ZNF415: variants seen among roughly 807,000 people sequenced by gnomAD.
ZNF415 encodes zinc finger protein 415.
A neutral mutation model predicts 7.3 loss-of-function variants in ZNF415; 5 were observed. That is an observed-to-expected ratio of 0.69 (90% confidence interval 0.36 to 1.44). The LOEUF is 1.44. Among genes scored for constraint, ZNF415 ranks in the 40% most tolerant of loss-of-function variants. The pLI, the probability that ZNF415 is intolerant of heterozygous loss-of-function variation, is 0.04. For missense variants in ZNF415, 628 were observed against 664.8 expected (o/e 0.94, Z 0.61); for synonymous variants, 207 against 226.3 (o/e 0.91, Z 0.77).
intron 2 of ZNF415, chr19:53,122,372 G>C: frequency 1.3e-6 from 2 of 1,533,620 alleles, no homozygotes; most frequent in Non-Finnish European, 1.7e-6. Context: ...AATCCCTGCT[G>C]CCCAACAGCA....
chr19:53,128,982 A>T (rs1472570296), intron 1 of ZNF415, among the ~76,000 whole-genome samples: 1 of 147,900 alleles, frequency 6.8e-6, no homozygotes, highest in Non-Finnish European at 1.5e-5. Flanking sequence ...GTGGTGATGG[A>T]TGCGGAGACA....
chr19:53,109,374 G>T lies in ZNF415; in HGVS notation c.671C>A (p.Ala224Asp). 6.2e-7 allele frequency: 1 copy of T among 1,614,106 alleles called. No homozygotes were observed. The highest frequency in any genetic ancestry group is 1.1e-5 in the South Asian group (1 of 91,078). Residue 224 changes from alanine (A) to aspartate (D), a missense_variant, in exon 4 of 4, where the codon GCC becomes GAC. Transcript: ENST00000243643. ...AGTCATGTGTGAGCCATGATTCAAG[G>T]CTTTGTCGCACTCAATATATCTGTA... ...KPYRYIECDK[A>D]LNHGSHMTVR... is the part of the protein sequence containing the mutation.
rs890488476 is a variant in ZNF415, at chr19:53,112,908, G to A, written c.137-3000C>T. On this transcript the variant is annotated intron_variant, in intron 3 of 3. Coordinates refer to ENST00000243643, the MANE Select transcript of ZNF415 (RefSeq NM_018355.4). Reference sequence around the variant, plus strand: ...TCAAGACCAGCCTGACCAACATGGAGAAACTCTGTCTCTACTAAAAATACA... The same window carrying A: ...TCAAGACCAGCCTGACCAACATGGAAAAACTCTGTCTCTACTAAAAATACA... Among the ~76,000 whole-genome samples, 8 of 151,910 alleles carry A rather than the reference G, an allele frequency of 5.3e-5. No homozygotes were observed. In the East Asian group the frequency reaches 1.6e-3, roughly 30 times the overall value.
chr19:53,124,062 A>T (rs2088605935), intron 1 of ZNF415: 1 of 152,152 alleles, frequency 6.6e-6, no homozygotes, highest in Non-Finnish European at 1.5e-5. Flanking sequence ...ATGTGGTGAA[A>T]CCCCATCTCT....
chr19:53,109,316 T>C lies in ZNF415; in HGVS notation c.729A>G (p.Gly243=). Residue 243 remains glycine (G), a synonymous_variant, in exon 4 of 4, where the codon GGA becomes GGG. Coordinates refer to ENST00000243643, the MANE Select transcript of ZNF415 (RefSeq NM_018355.4). ...CCTTGCCACACAGATCACATTTATATCCTTTCTCTCCAGAATGACTTACCT... is the reference window on the plus strand; with the variant it reads ...CCTTGCCACACAGATCACATTTATACCCTTTCTCTCCAGAATGACTTACCT... ...VRQVSHSGEK[G]YKCDLCGKVF... 2 of 1,614,182 alleles carry C rather than the reference T, an allele frequency of 1.2e-6. No individual in the cohort carries two copies. Among genetic ancestry groups the C allele is most frequent in the Non-Finnish European group, 1.7e-6 (2 of 1,180,018 alleles).
chr19:53,121,284 C>G (rs915774548), intron 2 of ZNF415, among the ~76,000 whole-genome samples: 1 of 148,750 alleles, frequency 6.7e-6, no homozygotes. Flanking sequence ...ACCTGGGAGG[C>G]TGAGGCAGAG....
At chr19:53,123,126 T>G (rs1160548729) in intron 1 of ZNF415, among the ~76,000 whole-genome samples, 2 of 152,032 alleles carry the variant, frequency 1.3e-5, no homozygotes, top group African/African-American at 2.4e-5. Context: ...TAGAATCATG[T>G]TGGGCACTGT....
intron 1 of ZNF415, among the ~76,000 whole-genome samples, chr19:53,129,878 A>T (rs1382113183): frequency 6.6e-6 from 1 of 152,138 alleles, no homozygotes; most frequent in African/African-American, 2.4e-5. Context: ...AGCCTGGCCA[A>T]CATGATGAAA....
chr19:53,115,312 G>GAA (rs2086847584), intron 3 of ZNF415: 11 of 189,982 alleles, frequency 5.8e-5, no homozygotes, highest in Admixed American at 4.4e-4. Flanking sequence ...TCCAGCCTGG[G>GAA]CAATAAGAGC....
At chr19:53,130,749 C>G (rs1050763309) in intron 1 of ZNF415, among the ~76,000 whole-genome samples, 2 of 152,080 alleles carry the variant, frequency 1.3e-5, no homozygotes, top group African/African-American at 2.4e-5. Context: ...CGGGTTTACA[C>G]AATGCTTTGC....
At chr19:53,116,292 C>G (rs1188699046) in intron 3 of ZNF415, 21 bp downstream of exon 3, 3 of 1,589,870 alleles carry the variant, frequency 1.9e-6, no homozygotes, top group Non-Finnish European at 2.6e-6. Flanking sequence ...ATTTTGACTT[C>G]TGGAAGAAAA....
In ZNF415 at chr19:53,109,650, T is replaced by A. The variant is rs750689568; in HGVS notation, c.395A>T (p.Asn132Ile). 2.0e-5 allele frequency: 32 copies of A among 1,614,042 alleles called. No homozygotes were observed. The Middle Eastern group carries it at 8.2e-4, about 41-fold the overall frequency. The change falls in exon 4 of 4, where the codon AAC becomes ATC. Residue 132 changes from asparagine to isoleucine, a missense_variant. Asn to Ile is a moderately radical substitution (Grantham distance 149). Coordinates refer to ENST00000243643, the MANE Select transcript of ZNF415 (RefSeq NM_018355.4). Reference sequence around the variant, plus strand: ...TCCAAGCTGATGTTTAATAGACTTGTTTCCTATACCTCTTCTATCGCGTTG... The same window carrying A: ...TCCAAGCTGATGTTTAATAGACTTGATTCCTATACCTCTTCTATCGCGTTG... ...RDQRDRRGIG[N>I]KSIKHQLGLS...
rs749271410 is a variant in ZNF415 at position 53,109,049 on chromosome 19, C to G, written c.996G>C (p.Glu332Asp). Residue 332 changes from glutamate to aspartate, a missense_variant, in exon 4 of 4, where the codon GAG (glutamate) becomes GAC (aspartate). Physicochemically the swap from Glu to Asp is conservative, Grantham distance 45. Transcript: ENST00000243643. ...ACCTCACACTAAAGGCTTTGCCACA[C>G]TCTTTACATGTGTAAGGTTTCTCTC... ...HIGEKPYTCKECGKAFSVRST... is the reference protein window; with the variant it reads ...HIGEKPYTCKDCGKAFSVRST... 28 of 1,613,624 alleles carry G rather than the reference C, an allele frequency of 1.7e-5. No individual in the cohort carries two copies. Among genetic ancestry groups the G allele is most frequent in the Non-Finnish European group, 1.7e-6 (2 of 1,179,766 alleles).
chr19:53,123,901 G>C, intron 1 of ZNF415: 1 of 233,496 alleles, frequency 4.3e-6, no homozygotes, highest in Non-Finnish European at 8.1e-6. Flanking sequence ...AGTCACTTTT[G>C]GACACCTGAA....
intron 3 of ZNF415, among the ~76,000 whole-genome samples, chr19:53,110,856 A>C (rs979319273): frequency 6.6e-6 from 1 of 152,202 alleles, no homozygotes; most frequent in Non-Finnish European, 1.5e-5. Flanking sequence ...ACCTGCACTT[A>C]TGTAACAAAC....
chr19:53,110,339 A>C (rs1325199480), intron 3 of ZNF415, among the ~76,000 whole-genome samples: 1 of 152,228 alleles, frequency 6.6e-6, no homozygotes, highest in Non-Finnish European at 1.5e-5. Flanking sequence ...CATAATGGTA[A>C]CTAAGCCACA....
At chr19:53,117,455 A>T (rs1312029952) in intron 2 of ZNF415, among the ~76,000 whole-genome samples, 1 of 151,888 alleles carries the variant, frequency 6.6e-6, no homozygotes, top group Non-Finnish European at 1.5e-5. Context: ...AAAAAAAAAG[A>T]AAGAAAGAGA....
rs571750027 is a variant in ZNF415 at position 53,127,638 on chromosome 19, G to A, written c.-67-4895C>T. 9.7e-4 allele frequency among the ~76,000 whole-genome samples: 147 copies of A among 152,302 alleles called. 1 individual carries two copies. Among genetic ancestry groups the A allele is most frequent in the Admixed American group, 2.0e-3 (30 of 15,300 alleles). On this transcript the variant is annotated intron_variant, in intron 1 of 3. Transcript: ENST00000243643. ...TCCCACCTGTAATCCCAGCACTTTAGGAGGCTGAGGCAGGCAGATCACGAA... is the reference window on the plus strand; with the variant it reads ...TCCCACCTGTAATCCCAGCACTTTAAGAGGCTGAGGCAGGCAGATCACGAA...
intron 1 of ZNF415, chr19:53,129,607 C>T (rs942753533): frequency 2.5e-6 from 1 of 399,716 alleles, no homozygotes; most frequent in Non-Finnish European, 4.4e-6. Context: ...AGTCCCTTAT[C>T]TCTGTTACAG....
Sources: gnomAD v4.1 joint callset for allele counts (sites outside exome capture counted in the v4.1 genomes callset) on GRCh38, gnomAD v4.1.1 for gene constraint, MANE v1.5 for transcripts, NCBI Gene and HGNC (gene_info 2026-07-23, HGNC 2026-07-21) for gene names.